The following RIMS1 variants were observed in gnomAD, a reference collection of about 807,000 sequenced individuals.
RIMS1 encodes the protein regulating synaptic membrane exocytosis 1, also known as regulating synaptic membrane exocytosis protein 1.
In RIMS1, 83 loss-of-function variants were observed where a neutral mutation model predicts 214.1. The ratio of observed to expected loss-of-function variants is 0.39; its 90% confidence interval spans 0.32 to 0.47. The LOEUF (loss-of-function observed/expected upper bound fraction) is 0.47. Among genes scored for constraint, RIMS1 ranks in the 20% least tolerant of loss-of-function variants. RIMS1 has a pLI of 0.99. For synonymous variants in RIMS1, 793 were observed against 786.8 expected (o/e 1.01, Z -0.13); for missense variants, 2,050 against 2,161.8 (o/e 0.95, Z 1.03).
chr6:72,041,725 T>C (rs1821487413), intron 2 of RIMS1, among the ~76,000 whole-genome samples: 1 of 151,970 alleles, frequency 6.6e-6, no homozygotes, highest in Admixed American at 6.6e-5. Flanking sequence ...TATGGACCCC[T>C]AGCATTGATG....
chr6:72,365,259 G>A (rs2097954849), intron 29 of RIMS1, among the ~76,000 whole-genome samples: 1 of 152,174 alleles, frequency 6.6e-6, no homozygotes, highest in African/African-American at 2.4e-5. Context: ...CCCTGCTGGG[G>A]TCCTCTGGCA....
intron 26 of RIMS1, among the ~76,000 whole-genome samples, chr6:72,298,449 C>T (rs2094309595): frequency 6.6e-6 from 1 of 151,952 alleles, no homozygotes; most frequent in African/African-American, 2.4e-5. Context: ...AGACACAGAT[C>T]CCCCTCCAGG....
At chr6:71,901,061 A>G (rs1390806774) in intron 1 of RIMS1, among the ~76,000 whole-genome samples, 3 of 152,130 alleles carry the variant, frequency 2.0e-5, no homozygotes, top group Admixed American at 2.0e-4. Context: ...TGAGGAGGCT[A>G]AGGCACACTG....
intron 10 of RIMS1, among the ~76,000 whole-genome samples, chr6:72,243,630 A>G (rs1226554321): frequency 1.3e-5 from 2 of 151,852 alleles, no homozygotes; most frequent in African/African-American, 4.8e-5. Flanking sequence ...GCACTTGCCA[A>G]ATACTTTCAA....
chr6:71,942,627 G>GT (rs770521681), intron 1 of RIMS1, among the ~76,000 whole-genome samples: 1 of 151,896 alleles, frequency 6.6e-6, no homozygotes, highest in Non-Finnish European at 1.5e-5. Context: ...TTCCTGGAGG[G>GT]TTTTTTGTTT....
intron 2 of RIMS1, among the ~76,000 whole-genome samples, chr6:71,972,805 G>A (rs576409904): frequency 2.6e-5 from 4 of 152,218 alleles, no homozygotes; most frequent in Admixed American, 2.6e-4. Flanking sequence ...TTATAATACT[G>A]AATAATAAAT....
chr6:72,068,720 G>A (rs184185188), intron 2 of RIMS1, among the ~76,000 whole-genome samples: 117 of 152,112 alleles, frequency 7.7e-4, no homozygotes, highest in African/African-American at 2.6e-3. Flanking sequence ...TCAGGAGATC[G>A]AGACCACGGT....
chr6:72,183,190 T>A, intron 6 of RIMS1, 41 bp downstream of exon 6: 1 of 1,567,866 alleles, frequency 6.4e-7, no homozygotes, highest in Non-Finnish European at 8.6e-7. Flanking sequence ...TTCAGCCAAG[T>A]GAAGAGGCGT....
intron 24 of RIMS1, among the ~76,000 whole-genome samples, chr6:72,285,627 A>G (rs10498882): frequency 0.37 from 56,198 of 152,034 alleles, 10,830 homozygotes; most frequent in Non-Finnish European, 0.4. Context: ...AGTAGTACAA[A>G]GAGTTGGACT....
Position 72,309,182 on chromosome 6 carries a change from T to C in RIMS1, c.3963+1812T>C, listed in dbSNP as rs527561406. Among the ~76,000 whole-genome samples, 17 of 152,158 alleles carry C rather than the reference T, an allele frequency of 1.1e-4. No individual in the cohort carries two copies. The South Asian group carries it at 2.3e-3, about 20-fold the overall frequency. ...CTTTCTGGATCATCCTGAGCTGGGA[T>C]TCTGATCATTAATTAGTCGATCCAA... On this transcript the variant is annotated intron_variant, in intron 27 of 33. Coordinates refer to ENST00000521978, the MANE Select transcript of RIMS1 (RefSeq NM_014989.7).
At chr6:72,337,626 C>T (rs1397520269) in intron 29 of RIMS1, among the ~76,000 whole-genome samples, 2 of 151,290 alleles carry the variant, frequency 1.3e-5, no homozygotes, top group African/African-American at 2.4e-5. Flanking sequence ...TTTTAGGGTA[C>T]ATGTGCACAA....
chr6:72,249,413 G>A (rs558136872), intron 12 of RIMS1, among the ~76,000 whole-genome samples: 5 of 152,194 alleles, frequency 3.3e-5, no homozygotes, highest in African/African-American at 7.2e-5. Flanking sequence ...TGGCCTTCTT[G>A]TAGTTTGAAG....
At chr6:72,096,436 A>T (rs2031726483) in intron 2 of RIMS1, among the ~76,000 whole-genome samples, 1 of 152,242 alleles carries the variant, frequency 6.6e-6, no homozygotes, top group African/African-American at 2.4e-5. Flanking sequence ...TTGTCAAAGT[A>T]TGCATCATGC....
chr6:72,218,945 T>C (rs1562673055), intron 6 of RIMS1, among the ~76,000 whole-genome samples: 1 of 152,218 alleles, frequency 6.6e-6, no homozygotes, highest in Non-Finnish European at 1.5e-5. Flanking sequence ...CTGCTGTTTA[T>C]TAGTGCATAG....
chr6:72,236,557 A>C (rs533554928), intron 8 of RIMS1, among the ~76,000 whole-genome samples: 153 of 152,162 alleles, frequency 1.0e-3, no homozygotes, highest in Non-Finnish European at 2.1e-3. Flanking sequence ...ATAAAGAAAA[A>C]TGAATTTTAA....
intron 2 of RIMS1, among the ~76,000 whole-genome samples, chr6:72,013,670 G>A (rs542776910): frequency 6.6e-6 from 1 of 152,266 alleles, no homozygotes; most frequent in East Asian, 1.9e-4. Context: ...CATTTCAAAT[G>A]CTAGATTTAG....
chr6:72,187,138 G>T (rs762915557), intron 6 of RIMS1, among the ~76,000 whole-genome samples: 5 of 152,144 alleles, frequency 3.3e-5, no homozygotes, highest in Admixed American at 1.3e-4. Flanking sequence ...AGGAAAGAGA[G>T]AAGGAGAGGA....
chr6:71,968,428 C>G (rs1795015126), intron 1 of RIMS1, among the ~76,000 whole-genome samples: 1 of 152,118 alleles, frequency 6.6e-6, no homozygotes, highest in Admixed American at 6.6e-5. Flanking sequence ...CACACACACT[C>G]TTTATATATG....
chr6:71,960,269 C>T (rs1014326464), intron 1 of RIMS1, among the ~76,000 whole-genome samples: 1 of 152,120 alleles, frequency 6.6e-6, no homozygotes, highest in African/African-American at 2.4e-5. Flanking sequence ...TACACACAGC[C>T]TGGCTTGGGA....
Sources: allele counts gnomAD v4.1 joint callset (sites outside exome capture counted in the v4.1 genomes callset), GRCh38; gene constraint gnomAD v4.1.1; transcripts MANE v1.5; gene names NCBI Gene and HGNC (gene_info 2026-07-23, HGNC 2026-07-21).